The following ATP6V1B1 variants were observed in gnomAD, a reference collection of about 807,000 sequenced individuals.
ATP6V1B1 encodes ATPase H+ transporting V1 subunit B1.
ATP6V1B1 carries 41 observed loss-of-function variants against 62.1 expected under a neutral mutation model. The observed-to-expected ratio is 0.66, with a 90% CI of 0.51 to 0.86. The LOEUF is 0.86. Ranked by LOEUF, ATP6V1B1 falls within the 40% of genes least tolerant of loss-of-function variation. ATP6V1B1 has a pLI of 0.00. For missense variants in ATP6V1B1, 651 were observed against 697.5 expected (o/e 0.93, Z 0.75); for synonymous variants, 253 against 273.4 (o/e 0.93, Z 0.74).
chr2:70,957,249 C>CT (rs1680460144), intron 2 of ATP6V1B1, among the ~76,000 whole-genome samples: 1 of 36,854 alleles, frequency 2.7e-5, no homozygotes, highest in African/African-American at 6.5e-5. Flanking sequence ...CCACACCTGG[C>CT]AATATATATA....
intron 2 of ATP6V1B1, chr2:70,944,059 C>T (rs1043684724): frequency 1.3e-5 from 17 of 1,307,196 alleles, no homozygotes; most frequent in Admixed American, 3.0e-5. Flanking sequence ...GACCACAGCA[C>T]GGCTGTACCT....
In ATP6V1B1 at chr2:70,963,963, A is replaced by C. The variant is rs1187333838; in HGVS notation, c.1143+309A>C. The C allele has an allele frequency of 2.0e-6, 1 of 499,254 alleles. No homozygotes were observed. The highest frequency in any genetic ancestry group is 3.2e-5 in the Admixed American group (1 of 30,770). The allele number at this position is 499,254 out of a possible 1,614,324, so 30.9% of individuals were successfully genotyped here. On this transcript the variant is annotated intron_variant, in intron 11 of 13. Transcript: ENST00000234396. The surrounding 1 kb of genome is among the most constrained non-coding windows in gnomAD (Gnocchi z 4.3). ...GGAGGATAAAAATAAGTTGGCATATAGAAAGCATCTGGCAGATAGTCAATA... is the reference window on the plus strand; with the variant it reads ...GGAGGATAAAAATAAGTTGGCATATCGAAAGCATCTGGCAGATAGTCAATA...
intron 2 of ATP6V1B1, among the ~76,000 whole-genome samples, chr2:70,954,834 G>A (rs181782873): frequency 1.4e-5 from 2 of 142,600 alleles, no homozygotes; most frequent in East Asian, 2.0e-4. Context: ...GTAAATCAGC[G>A]ACCTGGGAAG....
At chr2:70,951,609 A>G (rs539107884) in intron 2 of ATP6V1B1, among the ~76,000 whole-genome samples, 1 of 152,188 alleles carries the variant, frequency 6.6e-6, no homozygotes, top group Admixed American at 6.5e-5. Context: ...CACCACCTTT[A>G]AAAAAATAGA....
At chr2:70,958,526 T>C in intron 4 of ATP6V1B1, 100 bp downstream of exon 4, 1 of 1,151,046 alleles carries the variant, frequency 8.7e-7, no homozygotes, top group Non-Finnish European at 1.3e-6. Context: ...ACTTCCTGTT[T>C]ACTTCCTGCC....
chr2:70,942,965 T>C (rs1004309307), intron 1 of ATP6V1B1, among the ~76,000 whole-genome samples: 3 of 152,224 alleles, frequency 2.0e-5, no homozygotes, highest in Non-Finnish European at 4.4e-5. Flanking sequence ...GAAGTATTTT[T>C]TGGCATCTAA....
In ATP6V1B1 at chr2:70,959,349, G is replaced by A. The variant is rs1318546721; in HGVS notation, c.445+254G>A. 1.3e-5 allele frequency among the ~76,000 whole-genome samples: 2 copies of A among 152,196 alleles called. No individual in the cohort carries two copies. The highest frequency in any genetic ancestry group is 4.8e-5 in the African/African-American group (2 of 41,438). On this transcript the variant is annotated intron_variant, in intron 5 of 13. Transcript: ENST00000234396. This position sits in a 1 kb window ranked among gnomAD's most constrained non-coding sequence, Gnocchi z 4.2. ...ATCATGCCCCTGCCTTTGGCTTCCTGTCCACAATCCTGAGAATGGGCTGCG... is the reference window on the plus strand; with the variant it reads ...ATCATGCCCCTGCCTTTGGCTTCCTATCCACAATCCTGAGAATGGGCTGCG...
intron 1 of ATP6V1B1, 35 bp from the exon 2 acceptor site, chr2:70,943,623 G>A: frequency 6.2e-7 from 1 of 1,606,036 alleles, no homozygotes; most frequent in Non-Finnish European, 8.5e-7. Context: ...GGGTGTTTGG[G>A]GTGAGACCCC....
At chr2:70,961,110 G>A (rs536836210) in intron 7 of ATP6V1B1, 88 bp downstream of exon 7, 33 of 1,392,630 alleles carry the variant, frequency 2.4e-5, no homozygotes. Context: ...TGATCTGATG[G>A]GGAAGCCATC....
At position 70,963,059 on chromosome 2, in the gene ATP6V1B1, G is replaced by T; in HGVS notation, c.910-103G>T. On this transcript the variant is annotated intron_variant, in intron 9 of 13. Coordinates refer to ENST00000234396, the MANE Select transcript of ATP6V1B1 (RefSeq NM_001692.4). The surrounding 1 kb of genome is among the most constrained non-coding windows in gnomAD (Gnocchi z 4.3). ...GTCTCAGCCTGGCCATTCCTCCCCT[G>T]CCCCCCACTCCATTTCTCACAGGGT... The T allele has an allele frequency of 1.2e-6, 2 of 1,600,806 alleles. No homozygotes were observed. The highest frequency in any genetic ancestry group is 1.7e-6 in the Non-Finnish European group (2 of 1,172,208).
rs371353029 is a variant in ATP6V1B1, at chr2:70,961,633, T to C, written c.725T>C (p.Phe242Ser). ...ACAGCCAGATTCTTCAAGTCTGACTTTGAGCAGAATGGAACCATGGGGAAC... is the reference window on the plus strand; with the variant it reads ...ACAGCCAGATTCTTCAAGTCTGACTCTGAGCAGAATGGAACCATGGGGAAC... Reference protein sequence around the residue: ...METARFFKSDFEQNGTMGNVC... With the variant: ...METARFFKSDSEQNGTMGNVC... Residue 242 changes from phenylalanine to serine, a missense_variant, in exon 8 of 14, where the codon TTT (phenylalanine) becomes TCT (serine). By Grantham distance (155) the Phe-to-Ser change is radical (BLOSUM62 -2). Transcript: ENST00000234396. 1 of 1,614,220 alleles carries C rather than the reference T, an allele frequency of 6.2e-7. No homozygotes were observed. The highest frequency in any genetic ancestry group is 8.5e-7 in the Non-Finnish European group (1 of 1,180,034).
chr2:70,940,348 CT>C, intron 1 of ATP6V1B1: 1 of 943,786 alleles, frequency 1.1e-6, no homozygotes, highest in Non-Finnish European at 1.3e-6. Context: ...ACACCCCCAC[CT>C]CCCTATCCAG....
At chr2:70,937,095 A>C (rs1553415544) in intron 1 of ATP6V1B1, among the ~76,000 whole-genome samples, 1 of 100,726 alleles carries the variant, frequency 9.9e-6, no homozygotes, top group Non-Finnish European at 2.0e-5. Context: ...ACTGGAGTAA[A>C]CCAGCATGGC....
chr2:70,943,415 G>A, intron 1 of ATP6V1B1: 1 of 647,912 alleles, frequency 1.5e-6, no homozygotes, highest in South Asian at 1.7e-5. Context: ...CTCTGAGGAG[G>A]CCTCTGCCCT....
At position 70,965,415 on chromosome 2, in the gene ATP6V1B1, T is replaced by C. The variant is rs1553420908; in HGVS notation, c.*294T>C. The C allele has an allele frequency of 2.0e-6, 1 of 506,172 alleles. No individual in the cohort carries two copies. Among genetic ancestry groups the C allele is most frequent in the Non-Finnish European group, 3.6e-6 (1 of 281,276 alleles). 31.4% of individuals were successfully genotyped at this position (506,172 alleles called of 1,614,324 possible). The stretch of plus-strand genomic sequence containing the variant: ...AAGCCCACAAAATAAAAATAAAAAG[T>C]AACTGAGATGAATTTACCTTCGTTG... On this transcript the variant is annotated 3_prime_UTR_variant, in exon 14 of 14. Transcript: ENST00000234396.
At chr2:70,964,565 G>A (rs782177104) in intron 12 of ATP6V1B1, 23 bp downstream of exon 12, 4 of 1,612,274 alleles carry the variant, frequency 2.5e-6, no homozygotes, top group East Asian at 2.2e-5. Flanking sequence ...GGGTCCGGGG[G>A]CTGGTAGGTC....
Position 70,963,011 on chromosome 2 carries a change from A to T in ATP6V1B1, c.909+111A>T. ...GAGCTGGTCCACCCAAGCCTGCCCCACTCCCATGAGTTCCAGGGCTTGGTC... is the reference window on the plus strand; with the variant it reads ...GAGCTGGTCCACCCAAGCCTGCCCCTCTCCCATGAGTTCCAGGGCTTGGTC... On this transcript the variant is annotated intron_variant, in intron 9 of 13. Coordinates refer to ENST00000234396, the MANE Select transcript of ATP6V1B1 (RefSeq NM_001692.4). This position sits in a 1 kb window ranked among gnomAD's most constrained non-coding sequence, Gnocchi z 4.3. The T allele has an allele frequency of 1.3e-6, 2 of 1,598,480 alleles. No individual in the cohort carries two copies. Among genetic ancestry groups the T allele is most frequent in the Non-Finnish European group, 1.7e-6 (2 of 1,172,392 alleles).
intron 8 of ATP6V1B1, chr2:70,961,930 A>G (rs916872074): frequency 2.1e-5 from 12 of 569,548 alleles, no homozygotes; most frequent in Non-Finnish European, 2.9e-5. Flanking sequence ...CTCTTCCCAC[A>G]ACCCATGTCC....
chr2:70,958,049 G>A lies in ATP6V1B1; in HGVS notation c.178G>A (p.Ala60Thr), dbSNP rs782635927. The A allele has an allele frequency of 1.2e-6, 2 of 1,613,852 alleles. No individual in the cohort carries two copies. Among genetic ancestry groups the A allele is most frequent in the African/African-American group, 1.3e-5 (1 of 75,048 alleles). Reference sequence around the variant, plus strand: ...GGCTGCTCTCCCCTCCTGCCAGTTTGCCCAGTATGCGGAGATCGTCCACTT... The same window carrying A: ...GGCTGCTCTCCCCTCCTGCCAGTTTACCCAGTATGCGGAGATCGTCCACTT... The part of the protein sequence containing the change: ...PLVVLDRVKF[A>T]QYAEIVHFTL... The change falls in exon 3 of 14, where the codon GCC becomes ACC. Residue 60 changes from alanine (A) to threonine (T), a missense_variant. By Grantham distance (58) the Ala-to-Thr change is moderately conservative. Coordinates refer to ENST00000234396, the MANE Select transcript of ATP6V1B1 (RefSeq NM_001692.4).
Sources: allele counts gnomAD v4.1 joint callset (sites outside exome capture counted in the v4.1 genomes callset), GRCh38; gene constraint gnomAD v4.1.1; non-coding constraint Gnocchi (gnomAD v3.1); transcripts MANE v1.5; gene names NCBI Gene and HGNC (gene_info 2026-07-23, HGNC 2026-07-21).